The following SOX6 variants were observed in gnomAD, a reference collection of about 807,000 sequenced individuals.
SOX6 encodes the protein SRY-box transcription factor 6.
A neutral mutation model predicts 97.8 loss-of-function variants in SOX6; 11 were observed. The ratio of observed to expected loss-of-function variants is 0.11; its 90% CI spans 0.07 to 0.19. SOX6 has a LOEUF of 0.19. SOX6 is among the 10% of genes least tolerant of loss of function. The probability of loss-of-function intolerance (pLI) is 1.00; values close to 1 mark genes in which losing one functional copy is unlikely to be tolerated. For synonymous variants in SOX6, 360 were observed against 371.4 expected (o/e 0.97, Z 0.35); for missense variants, 810 against 1,039.5 (o/e 0.78, Z 3.04).
chr11:16,233,382 T>C (rs376491037), intron 4 of SOX6, among the ~76,000 whole-genome samples: 60 of 152,334 alleles, frequency 3.9e-4, no homozygotes, highest in African/African-American at 1.3e-3. Context: ...GCAAAAAGTA[T>C]AACTCTCAAC....
chr11:16,003,175 T>C (rs998825619), intron 13 of SOX6, among the ~76,000 whole-genome samples: 5 of 151,992 alleles, frequency 3.3e-5, no homozygotes, highest in African/African-American at 1.2e-4. Context: ...GACCTGGCCC[T>C]CCAACTATGG....
At chr11:16,638,121 G>A (rs1330593657) in intron 3 of SOX6, among the ~76,000 whole-genome samples, 1 of 140,438 alleles carries the variant, frequency 7.1e-6, no homozygotes, top group East Asian at 2.1e-4. Flanking sequence ...TGTTCTCATT[G>A]TTCAATTCCC....
At chr11:16,262,454 G>T (rs1317396465) in intron 3 of SOX6, among the ~76,000 whole-genome samples, 1 of 152,074 alleles carries the variant, frequency 6.6e-6, no homozygotes, top group Non-Finnish European at 1.5e-5. Context: ...AACGAAAATA[G>T]TGAAGCCAGT....
intron 3 of SOX6, among the ~76,000 whole-genome samples, chr11:16,254,338 A>T (rs1479109190): frequency 6.6e-6 from 1 of 152,130 alleles, no homozygotes; most frequent in Admixed American, 6.5e-5. Context: ...TGTTCAAAAT[A>T]ATAGCATCAA....
intron 2 of SOX6, among the ~76,000 whole-genome samples, chr11:16,322,749 C>T (rs1273561755): frequency 6.6e-6 from 1 of 152,172 alleles, no homozygotes; most frequent in Non-Finnish European, 1.5e-5. Flanking sequence ...AACAACCCAA[C>T]TGATTCCGAT....
chr11:16,326,338 T>C (rs999633336), intron 2 of SOX6, among the ~76,000 whole-genome samples: 5 of 152,082 alleles, frequency 3.3e-5, no homozygotes, highest in African/African-American at 9.7e-5. Flanking sequence ...TCTAAAAATA[T>C]GTCACCAACA....
At position 16,151,344 on chromosome 11, in the gene SOX6, T is replaced by C. The variant is rs377175518; in HGVS notation, c.777+32542A>G. Among the ~76,000 whole-genome samples the C allele has an allele frequency of 5.0e-4, 76 of 152,284 alleles. 1 individual carries two copies. The highest frequency in any genetic ancestry group is 1.7e-3 in the African/African-American group (71 of 41,586). ...AATGACTGAATTTGTCATGTCAGCT[T>C]TTCCGATCGCTCTTGCAGCTGCTGA... is the stretch of plus-strand genomic sequence containing the variant. On this transcript the variant is annotated intron_variant, in intron 6 of 15. Transcript: ENST00000683767.
chr11:16,357,799 C>G (rs1378421410), upstream of SOX6, among the ~76,000 whole-genome samples: 2 of 152,140 alleles, frequency 1.3e-5, no homozygotes, highest in African/African-American at 4.8e-5. Flanking sequence ...CCAACGAAAT[C>G]CCATAATAAC....
intron 3 of SOX6, among the ~76,000 whole-genome samples, chr11:16,263,662 C>A (rs1853971275): frequency 2.0e-5 from 3 of 151,856 alleles, no homozygotes; most frequent in Admixed American, 2.0e-4. Flanking sequence ...TTCATGGTAA[C>A]ATAATTCATA....
chr11:15,983,186 T>A (rs1421322130), intron 15 of SOX6, among the ~76,000 whole-genome samples: 1 of 152,046 alleles, frequency 6.6e-6, no homozygotes, highest in Non-Finnish European at 1.5e-5. Flanking sequence ...AATAGTGTGT[T>A]ATACCCACAC....
At chr11:16,323,285 A>T (rs1158773300) in intron 2 of SOX6, among the ~76,000 whole-genome samples, 5 of 152,218 alleles carry the variant, frequency 3.3e-5, no homozygotes, top group African/African-American at 1.2e-4. Flanking sequence ...TCTAGGAAAG[A>T]AAAAGCAGTT....
At chr11:16,497,429 T>C (rs527789759) in intron 4 of SOX6, among the ~76,000 whole-genome samples, 2 of 152,228 alleles carry the variant, frequency 1.3e-5, no homozygotes, top group South Asian at 4.1e-4. Context: ...TCCAAAGGAA[T>C]GCAGGTCCTC....
intron 1 of SOX6, among the ~76,000 whole-genome samples, chr11:16,368,838 G>C (rs979732800): frequency 6.6e-6 from 1 of 151,992 alleles, no homozygotes; most frequent in Non-Finnish European, 1.5e-5. Flanking sequence ...ATCTAATAAC[G>C]GGTGAGTATG....
At chr11:16,371,843 G>T (rs1202346213) in intron 1 of SOX6, among the ~76,000 whole-genome samples, 1 of 151,918 alleles carries the variant, frequency 6.6e-6, no homozygotes, top group African/African-American at 2.4e-5. Context: ...CATCATATCG[G>T]CACTCAAAAC....
At chr11:15,995,822 C>A (rs1854207485) in intron 13 of SOX6, among the ~76,000 whole-genome samples, 1 of 152,148 alleles carries the variant, frequency 6.6e-6, no homozygotes, top group Non-Finnish European at 1.5e-5. Context: ...GACTATGCAA[C>A]ATCTTTATAA....
At chr11:16,718,963 C>A (rs576334628) in intron 2 of SOX6, among the ~76,000 whole-genome samples, 2 of 143,814 alleles carry the variant, frequency 1.4e-5, no homozygotes, top group Non-Finnish European at 3.0e-5. Context: ...AAAACCTTTC[C>A]TTTATTTTTA....
chr11:16,043,721 T>G (rs1855744431), intron 12 of SOX6, among the ~76,000 whole-genome samples: 2 of 152,192 alleles, frequency 1.3e-5, no homozygotes, highest in African/African-American at 4.8e-5. Flanking sequence ...GACACTGATG[T>G]GCAGCACAGA....
Position 15,969,736 on chromosome 11 carries a change from T to C in SOX6, c.*3073A>G, listed in dbSNP as rs957853764. 1.3e-5 allele frequency: 2 copies of C among 152,234 alleles called. No individual in the cohort carries two copies. The highest frequency in any genetic ancestry group is 4.8e-5 in the African/African-American group (2 of 41,454). The allele number at this position is 152,234 out of a possible 1,614,324, so 9.4% of individuals were successfully genotyped here. On this transcript the variant is annotated 3_prime_UTR_variant, in exon 16 of 16. Transcript: ENST00000683767. ...ACAATTAGAAAAATCTAAAATGAGATGGTAAAGTCATATAAACTTTGTTTA... is the reference window on the plus strand; with the variant it reads ...ACAATTAGAAAAATCTAAAATGAGACGGTAAAGTCATATAAACTTTGTTTA...
At chr11:16,525,181 C>T (rs10832635) in intron 4 of SOX6, among the ~76,000 whole-genome samples, 37,455 of 152,092 alleles carry the variant, frequency 0.25, 5,104 homozygotes, top group East Asian at 0.48. Context: ...CAAGTCAATC[C>T]TAAGCCAAAA....
Sources: gnomAD v4.1 joint callset for allele counts (sites outside exome capture counted in the v4.1 genomes callset) on GRCh38, gnomAD v4.1.1 for gene constraint, MANE v1.5 for transcripts, NCBI Gene and HGNC (gene_info 2026-07-23, HGNC 2026-07-21) for gene names.